Variants in PRR14L observed in about 807,000 individuals in gnomAD.
PRR14L encodes the protein proline rich 14 like, also known as protein PRR14L.
In PRR14L, 80 loss-of-function variants were observed where a neutral mutation model predicts 155.0. The observed-to-expected ratio is 0.52, with a 90% CI of 0.43 to 0.62. The LOEUF (loss-of-function observed/expected upper bound fraction) is 0.62. Among genes scored for constraint, PRR14L ranks in the 20% least tolerant of loss-of-function variants. PRR14L has a pLI of 0.00. For synonymous variants in PRR14L, 883 were observed against 916.0 expected (o/e 0.96, Z 0.65); for missense variants, 2,469 against 2,548.0 (o/e 0.97, Z 0.67).
At chr22:31,698,893 G>A (rs1173391314) in intron 7 of PRR14L, among the ~76,000 whole-genome samples, 1 of 151,124 alleles carries the variant, frequency 6.6e-6, no homozygotes, top group Non-Finnish European at 1.5e-5. Context: ...CTGCACTCTA[G>A]CCTGGGCAAC....
chr22:31,695,113 T>C (rs931009520), intron 7 of PRR14L, among the ~76,000 whole-genome samples: 3 of 152,086 alleles, frequency 2.0e-5, no homozygotes, highest in Non-Finnish European at 2.9e-5. Flanking sequence ...CCTACAGTTA[T>C]TTGTCAAGCA....
At chr22:31,704,089 G>A (rs914271428) in intron 5 of PRR14L, among the ~76,000 whole-genome samples, 4 of 152,134 alleles carry the variant, frequency 2.6e-5, no homozygotes, top group Non-Finnish European at 5.9e-5. Flanking sequence ...GAGCCACCAC[G>A]CCCAGCCTCA....
intron 4 of PRR14L, among the ~76,000 whole-genome samples, chr22:31,711,249 G>C (rs2147861980): frequency 6.6e-6 from 1 of 152,268 alleles, no homozygotes; most frequent in South Asian, 2.1e-4. Flanking sequence ...AAGGTGAGAG[G>C]ATCACCGGAC....
intron 6 of PRR14L, among the ~76,000 whole-genome samples, chr22:31,702,923 C>G (rs957868334): frequency 6.6e-6 from 1 of 151,920 alleles, no homozygotes; most frequent in Admixed American, 6.6e-5. Flanking sequence ...TCAAGCAATT[C>G]TCCCTCCTCA....
chr22:31,699,771 T>C (rs2074553743), intron 7 of PRR14L, among the ~76,000 whole-genome samples: 1 of 152,152 alleles, frequency 6.6e-6, no homozygotes, highest in Non-Finnish European at 1.5e-5. Context: ...GGAAGAATGA[T>C]TTGCTTGATG....
At chr22:31,710,831 A>G (rs1390468143) in intron 4 of PRR14L, among the ~76,000 whole-genome samples, 1 of 152,148 alleles carries the variant, frequency 6.6e-6, no homozygotes, top group East Asian at 1.9e-4. Flanking sequence ...AGAAGGTACA[A>G]TGATATTGAC....
chr22:31,722,507 C>T (rs2074696210), intron 3 of PRR14L, among the ~76,000 whole-genome samples: 1 of 148,624 alleles, frequency 6.7e-6, no homozygotes, highest in Non-Finnish European at 1.5e-5. Flanking sequence ...AGCTTGGTTT[C>T]TAAGAGGCAT....
chr22:31,733,396 T>TTCCGCCTTC (rs1556481150), intron 2 of PRR14L, among the ~76,000 whole-genome samples: 1 of 28,536 alleles, frequency 3.5e-5, no homozygotes, highest in South Asian at 1.5e-3. Context: ...CCTCCGCCTT[T>TTCCGCCTTC]GGGGTTCAAG....
In PRR14L at chr22:31,712,511, T is replaced by C; in HGVS notation, c.5328A>G (p.Ala1776=). 1 of 1,551,890 alleles carries C rather than the reference T, an allele frequency of 6.4e-7. No individual in the cohort carries two copies. The change falls in exon 4 of 9, where the codon GCA becomes GCG. Residue 1776 remains alanine (A), a synonymous_variant. Transcript: ENST00000327423. ...FFLSHGCPGM[A]TFREDTGVHS... The stretch of plus-strand genomic sequence containing the variant: ...GGACGCCAGTGTCTTCCCTGAATGT[T>C]GCCATCCCAGGGCAACCGTGGGACA...
intron 8 of PRR14L, among the ~76,000 whole-genome samples, chr22:31,686,011 T>G (rs2074480298): frequency 6.6e-6 from 1 of 152,128 alleles, no homozygotes; most frequent in South Asian, 2.1e-4. Flanking sequence ...CTTGGCTCAC[T>G]GCAACCTCTG....
At chr22:31,733,564 C>T (rs2413058) in intron 2 of PRR14L, among the ~76,000 whole-genome samples, 14,429 of 152,072 alleles carry the variant, frequency 0.095, 757 homozygotes, top group Admixed American at 0.15. Context: ...CTCGGCCCCC[C>T]GAAGCGCTAG....
At chr22:31,734,129 T>C (rs987185951) in intron 2 of PRR14L, among the ~76,000 whole-genome samples, 2 of 152,038 alleles carry the variant, frequency 1.3e-5, no homozygotes, top group South Asian at 4.1e-4. Flanking sequence ...TGCACCACCA[T>C]ACCCAGCTGA....
At chr22:31,692,158 G>A (rs1282980075) in intron 7 of PRR14L, among the ~76,000 whole-genome samples, 1 of 152,078 alleles carries the variant, frequency 6.6e-6, no homozygotes, top group African/African-American at 2.4e-5. Flanking sequence ...GTGAGCCACC[G>A]TGCCTGGCAT....
intron 4 of PRR14L, among the ~76,000 whole-genome samples, chr22:31,705,432 G>T (rs1260270741): frequency 6.6e-6 from 1 of 152,044 alleles, no homozygotes; most frequent in Non-Finnish European, 1.5e-5. Flanking sequence ...GGAGTGCAAT[G>T]GTGTGATCTC....
At chr22:31,717,331 A>T in intron 3 of PRR14L, 40 bp from the exon 4 acceptor site, 2 of 1,446,166 alleles carry the variant, frequency 1.4e-6, no homozygotes, top group Non-Finnish European at 1.9e-6. Context: ...ATGCAGTAAT[A>T]AAAAATCACT....
At position 31,716,610 on chromosome 22, in the gene PRR14L, C is replaced by T; in HGVS notation, c.1229G>A (p.Gly410Asp). 6.4e-7 allele frequency: 1 copy of T among 1,551,728 alleles called. No homozygotes were observed. The highest frequency in any genetic ancestry group is 8.7e-7 in the Non-Finnish European group (1 of 1,146,988). ...CCTGGCATTAAAAAGAAAAGGTCCACCTCTTTCACTCCTAGGAATCAAAAG... is the reference window on the plus strand; with the variant it reads ...CCTGGCATTAAAAAGAAAAGGTCCATCTCTTTCACTCCTAGGAATCAAAAG... The part of the protein sequence containing the change: ...ERLLIPRSER[G>D]GPFLFNAREP... The change falls in exon 4 of 9, where the codon GGT becomes GAT. Residue 410 changes from glycine to aspartate, a missense_variant. Coordinates refer to ENST00000327423, the MANE Select transcript of PRR14L (RefSeq NM_173566.3).
Position 31,687,819 on chromosome 22 carries a change from G to A in PRR14L, c.6179+337C>T, listed in dbSNP as rs893178072. ...AGCACTTTGGGAGGCCAAGGCAGGC[G>A]GATCACGAGGTCAGGAGATCGAGAC... is the stretch of plus-strand genomic sequence containing the variant. On this transcript the variant is annotated intron_variant, in intron 8 of 8. Transcript: ENST00000327423. Among the ~76,000 whole-genome samples the A allele has an allele frequency of 4.0e-5, 6 of 151,022 alleles. No individual in the cohort carries two copies. The East Asian group carries it at 1.0e-3, about 25-fold the overall frequency.
chr22:31,742,776 A>C (rs1246605193), intron 1 of PRR14L, among the ~76,000 whole-genome samples: 1 of 152,228 alleles, frequency 6.6e-6, no homozygotes, highest in African/African-American at 2.4e-5. Flanking sequence ...AAATGTCTTT[A>C]GCAGCACTAC....
chr22:31,693,135 CTTG>C (rs911561409), intron 7 of PRR14L, among the ~76,000 whole-genome samples: 97 of 148,238 alleles, frequency 6.5e-4, no homozygotes, highest in African/African-American at 2.2e-3. Flanking sequence ...AGAGCTCACC[CTTG>C]TTGTTGTCTT....
Sources: allele counts gnomAD v4.1 joint callset (sites outside exome capture counted in the v4.1 genomes callset), GRCh38; gene constraint gnomAD v4.1.1; transcripts MANE v1.5; gene names NCBI Gene and HGNC (gene_info 2026-07-23, HGNC 2026-07-21).